The following USH2A variants were observed in gnomAD, a reference collection of about 807,000 sequenced individuals.
The protein encoded by USH2A is usherin.
A neutral mutation model predicts 538.9 loss-of-function variants in USH2A; 443 were observed. The ratio of observed to expected loss-of-function variants is 0.82; its 90% confidence interval spans 0.76 to 0.89. The LOEUF is 0.89. Among genes scored for constraint, USH2A ranks in the 40% least tolerant of loss-of-function variants. The probability of loss-of-function intolerance (pLI) is 0.00; values close to 1 mark genes in which losing one functional copy is unlikely to be tolerated. For missense variants in USH2A, 6,633 were observed against 6,324.8 expected, an observed-to-expected ratio of 1.05 and a Z score of -1.65; for synonymous variants, 2,413 against 2,273.5, an observed-to-expected ratio of 1.06 and a Z score of -1.75.
intron 21 of USH2A, among the ~76,000 whole-genome samples, chr1:216,167,388 A>G (rs1023932075): frequency 9.2e-5 from 14 of 152,240 alleles, no homozygotes; most frequent in East Asian, 1.9e-4. Context: ...CAGCTTCCCA[A>G]TGAGATCTCA....
intron 21 of USH2A, chr1:216,174,948 T>C (rs2034344933): frequency 1.7e-6 from 2 of 1,204,384 alleles, no homozygotes; most frequent in Non-Finnish European, 2.1e-6. Context: ...GTGAATAATA[T>C]TTCAAGAAAC....
In USH2A at chr1:215,624,889, A is replaced by C. The variant is rs1655957689; in HGVS notation, c.*892T>G. The stretch of plus-strand genomic sequence containing the variant: ...AATTTCACGCAGCCTAATATTGCAA[A>C]TAGAACAGTAGTTTCCATTTGAAAT... On this transcript the variant is annotated 3_prime_UTR_variant, in exon 72 of 72. Transcript: ENST00000307340. The C allele has an allele frequency of 6.6e-6, 1 of 152,194 alleles. No individual in the cohort carries two copies. Among genetic ancestry groups the C allele is most frequent in the African/African-American group, 2.4e-5 (1 of 41,470 alleles). The allele number at this position is 152,194 out of a possible 1,614,324, so 9.4% of individuals were successfully genotyped here. A position where few individuals can be genotyped will look rare whatever the true frequency, so the allele number is the denominator to read the frequency against.
chr1:216,095,759 G>C (rs553898105), intron 22 of USH2A, among the ~76,000 whole-genome samples: 7 of 152,116 alleles, frequency 4.6e-5, no homozygotes, highest in African/African-American at 7.2e-5. Context: ...AGTCTGGCAG[G>C]GTCCTCAGAT....
intron 21 of USH2A, among the ~76,000 whole-genome samples, chr1:216,112,770 G>T (rs950874034): frequency 5.9e-5 from 9 of 151,844 alleles, no homozygotes; most frequent in African/African-American, 2.2e-4. Context: ...CTATGTTCCT[G>T]CAAAAGACAT....
At chr1:215,954,593 T>G in intron 37 of USH2A, among the ~76,000 whole-genome samples, 1 of 148,392 alleles carries the variant, frequency 6.7e-6, no homozygotes. Flanking sequence ...AGGGATAGCA[T>G]TAGGAGATAT....
At chr1:215,658,091 C>A (rs147769757) in intron 64 of USH2A, among the ~76,000 whole-genome samples, 3 of 151,886 alleles carry the variant, frequency 2.0e-5, no homozygotes, top group African/African-American at 7.3e-5. Flanking sequence ...CACGCCACCC[C>A]GCCCGGCTAA....
chr1:216,145,356 G>C (rs1380180151), intron 21 of USH2A, among the ~76,000 whole-genome samples: 1 of 152,184 alleles, frequency 6.6e-6, no homozygotes, highest in Non-Finnish European at 1.5e-5. Context: ...GGATCCAGGG[G>C]CAATGCGGTA....
rs142213525 is a variant in USH2A at position 215,754,790 on chromosome 1, C to T, written c.11389+3805G>A. 4.0e-3 allele frequency among the ~76,000 whole-genome samples: 613 copies of T among 152,280 alleles called. 12 individuals are homozygous for T. The South Asian group carries it at 0.056, about 14-fold the overall frequency. On this transcript the variant is annotated intron_variant, in intron 58 of 71. Coordinates refer to ENST00000307340, the MANE Select transcript of USH2A (RefSeq NM_206933.4). ...GCTTTAGACATTCAAGAGAAACTGG[C>T]GGACTCATGTTTTCAGAGAAAACAG...
chr1:216,155,706 C>A (rs1428547006), intron 21 of USH2A, among the ~76,000 whole-genome samples: 1 of 152,154 alleles, frequency 6.6e-6, no homozygotes, highest in Non-Finnish European at 1.5e-5. Flanking sequence ...CTTTTTACTG[C>A]AATGCTGCAG....
chr1:216,352,998 G>A lies in USH2A; in HGVS notation c.784+11955C>T, dbSNP rs137869413. On this transcript the variant is annotated intron_variant, in intron 4 of 71. Transcript: ENST00000307340. ...AAACATAGGAAGTTCATGGTCATGA[G>A]TTTAAGGTGGGAAGAGTCGTCCTCT... Among the ~76,000 whole-genome samples, 185 of 151,234 alleles carry A rather than the reference G, an allele frequency of 1.2e-3. 1 individual carries two copies. The highest frequency in any genetic ancestry group is 4.2e-3 in the African/African-American group (173 of 41,316).
intron 21 of USH2A, among the ~76,000 whole-genome samples, chr1:216,148,741 T>C (rs1230808155): frequency 6.6e-6 from 1 of 151,698 alleles, no homozygotes; most frequent in Non-Finnish European, 1.5e-5. Context: ...CAAACCCATA[T>C]ACTCTCCTAT....
At chr1:215,884,686 C>T (rs867161025) in intron 41 of USH2A, among the ~76,000 whole-genome samples, 3 of 152,168 alleles carry the variant, frequency 2.0e-5, no homozygotes, top group Non-Finnish European at 4.4e-5. Context: ...AAGTAGACAT[C>T]AAACATTGGC....
chr1:215,844,629 C>T (rs897835420), intron 45 of USH2A, 133 bp from the exon 46 acceptor site: 23 of 907,632 alleles, frequency 2.5e-5, no homozygotes, highest in Non-Finnish European at 3.8e-5. Context: ...GAAGTTATCA[C>T]AGTCTGTAGT....
At chr1:216,183,288 T>G (rs536031791) in intron 20 of USH2A, among the ~76,000 whole-genome samples, 1 of 151,896 alleles carries the variant, frequency 6.6e-6, no homozygotes, top group Non-Finnish European at 1.5e-5. Flanking sequence ...AAGCACCGAT[T>G]TGGTTCTTAT....
At chr1:215,716,256 A>G (rs1659482459) in intron 61 of USH2A, among the ~76,000 whole-genome samples, 2 of 152,278 alleles carry the variant, frequency 1.3e-5, no homozygotes, top group East Asian at 1.9e-4. Flanking sequence ...ACTGAGCCCA[A>G]TTAATTTTTC....
intron 61 of USH2A, among the ~76,000 whole-genome samples, chr1:215,689,069 G>A (rs1200273513): frequency 6.6e-6 from 1 of 150,694 alleles, no homozygotes; most frequent in African/African-American, 2.4e-5. Context: ...ACGACTCTTA[G>A]GTTTTTCTTC....
At position 216,198,422 on chromosome 1, in the gene USH2A, G is replaced by T; in HGVS notation, c.3974C>A (p.Thr1325Asn). The change falls in exon 18 of 72, where the codon ACC becomes AAC. Residue 1325 changes from threonine (T) to asparagine (N), a missense_variant. Physicochemically the swap from Thr to Asn is moderately conservative, Grantham distance 65. Coordinates refer to ENST00000307340, the MANE Select transcript of USH2A (RefSeq NM_206933.4). ...NALKPPQTMT[T>N]ITGLEPYTKY... ...GGTGTATGGCTCCAAGCCAGTGATG[G>T]TTGTCATTGTTTGAGGAGGTTTTAA... 1 of 1,613,996 alleles carries T rather than the reference G, an allele frequency of 6.2e-7. No homozygotes were observed. Among genetic ancestry groups the T allele is most frequent in the Non-Finnish European group, 8.5e-7 (1 of 1,179,956 alleles).
At chr1:215,877,698 C>CT in intron 43 of USH2A, 60 bp downstream of exon 43, 1 of 1,609,306 alleles carries the variant, frequency 6.2e-7, no homozygotes, top group Non-Finnish European at 8.5e-7. Flanking sequence ...ATACTTTGAA[C>CT]TATTCAACAT....
Position 216,119,857 on chromosome 1 carries a change from T to A in USH2A, c.4628-22644A>T, listed in dbSNP as rs537323234. On this transcript the variant is annotated intron_variant, in intron 21 of 71. Coordinates refer to ENST00000307340, the MANE Select transcript of USH2A (RefSeq NM_206933.4). ...TATGGTGCAATTTCATTCTTATCTA[T>A]AGACATCCCTAGGTTGAAAGGAGCT... Among the ~76,000 whole-genome samples the A allele has an allele frequency of 2.6e-5, 4 of 152,244 alleles. No individual in the cohort carries two copies. In the South Asian group the frequency reaches 8.3e-4, roughly 32 times the overall value.
Sources: gnomAD v4.1 joint callset for allele counts (sites outside exome capture counted in the v4.1 genomes callset) on GRCh38, gnomAD v4.1.1 for gene constraint, MANE v1.5 for transcripts, NCBI Gene and HGNC (gene_info 2026-07-23, HGNC 2026-07-21) for gene names.